LMNTD1: variants seen among roughly 807,000 people sequenced by gnomAD.
The protein encoded by LMNTD1 is lamin tail domain-containing protein 1.
A neutral mutation model predicts 50.9 loss-of-function variants in LMNTD1; 35 were observed. That is an observed-to-expected ratio of 0.69 (90% CI 0.53 to 0.91). LMNTD1 has a LOEUF of 0.91. Ranked by LOEUF, LMNTD1 falls within the 40% of genes least tolerant of loss-of-function variation. LMNTD1 has a pLI of 0.00. For synonymous variants in LMNTD1, 153 were observed against 161.9 expected, an observed-to-expected ratio of 0.94 and a Z score of 0.42; for missense variants, 470 against 475.5, an observed-to-expected ratio of 0.99 and a Z score of 0.11.
chr12:25,554,535 T>A (rs1199901732), upstream of LMNTD1, among the ~76,000 whole-genome samples: 1 of 152,212 alleles, frequency 6.6e-6, no homozygotes, highest in East Asian at 1.9e-4. Context: ...TTGTTGTTGC[T>A]TAAACTAATT....
In LMNTD1 at chr12:25,520,033, C is replaced by T. The variant is rs1565963219; in HGVS notation, c.841G>A (p.Glu281Lys). 1.2e-6 allele frequency: 2 copies of T among 1,613,200 alleles called. No individual in the cohort carries two copies. The highest frequency in any genetic ancestry group is 1.7e-5 in the Admixed American group (1 of 59,918). Residue 281 changes from glutamate (E) to lysine (K), a missense_variant, in exon 7 of 10, where the codon GAA becomes AAA. Transcript: ENST00000458174. ...AATTCAACGTCAGCATCTAATTTTT[C>T]CCACGCTTGCTTCCAGTGGATAGGG... is the stretch of plus-strand genomic sequence containing the variant. Reference protein sequence around the residue: ...YTPIHWKQAWEKLDADVEFNR... With the variant: ...YTPIHWKQAWKKLDADVEFNR...
chr12:25,594,487 A>G (rs1006123792), intron 1 of LMNTD1, among the ~76,000 whole-genome samples: 2 of 152,100 alleles, frequency 1.3e-5, no homozygotes, highest in Non-Finnish European at 2.9e-5. Flanking sequence ...AAGGAAACAT[A>G]GTCTTTTTCA....
At chr12:25,518,172 T>C (rs1260744020) in intron 8 of LMNTD1, among the ~76,000 whole-genome samples, 2 of 152,222 alleles carry the variant, frequency 1.3e-5, no homozygotes, top group East Asian at 3.8e-4. Flanking sequence ...GGTTCCTTCT[T>C]GGCTTTATGT....
intron 1 of LMNTD1, among the ~76,000 whole-genome samples, chr12:25,614,320 G>A (rs1946308383): frequency 6.6e-6 from 1 of 151,978 alleles, no homozygotes; most frequent in African/African-American, 2.4e-5. Flanking sequence ...CTATAGCTCA[G>A]TTCTCGGTAC....
At chr12:25,499,070 ATTC>A (rs1397077746) in intron 9 of LMNTD1, among the ~76,000 whole-genome samples, 2 of 152,098 alleles carry the variant, frequency 1.3e-5, no homozygotes, top group Non-Finnish European at 2.9e-5. Context: ...CAGGAAAGAA[ATTC>A]TTTTTTGTTG....
chr12:25,618,623 T>C (rs879770275), intron 1 of LMNTD1, among the ~76,000 whole-genome samples: 4 of 152,036 alleles, frequency 2.6e-5, no homozygotes, highest in Admixed American at 1.3e-4. Context: ...CATTTAGGCC[T>C]GGAAAGGAAA....
chr12:25,645,199 G>T (rs1035939935), intron 1 of LMNTD1, among the ~76,000 whole-genome samples: 2 of 152,194 alleles, frequency 1.3e-5, no homozygotes, highest in African/African-American at 4.8e-5. Flanking sequence ...GTCTAGCCAG[G>T]TAAGTACAGG....
At chr12:25,600,721 A>G (rs1565512534) in intron 1 of LMNTD1, among the ~76,000 whole-genome samples, 1 of 152,114 alleles carries the variant, frequency 6.6e-6, no homozygotes, top group Non-Finnish European at 1.5e-5. Context: ...TGCTCATCAG[A>G]GGAATGAAAA....
chr12:25,577,324 T>C (rs1042650261), intron 1 of LMNTD1, among the ~76,000 whole-genome samples: 18 of 152,362 alleles, frequency 1.2e-4, no homozygotes, highest in African/African-American at 4.3e-4. Flanking sequence ...CCCATGAGCA[T>C]GGAATGTTCT....
chr12:25,644,511 C>CAA (rs916130035), intron 1 of LMNTD1, among the ~76,000 whole-genome samples: 3 of 151,484 alleles, frequency 2.0e-5, no homozygotes, highest in Non-Finnish European at 4.4e-5. Flanking sequence ...CGAACAACAA[C>CAA]AAAAAAATCC....
Position 25,526,901 on chromosome 12 carries a change from C to T in LMNTD1, c.546G>A (p.Lys182=), listed in dbSNP as rs908140513. The change falls in exon 5 of 10, where the codon AAG becomes AAA. Residue 182 remains lysine, a synonymous_variant. Transcript: ENST00000458174. The part of the protein sequence containing the change: ...AEVNVKGLFV[K]LINSSLDKEM... Reference sequence around the variant, plus strand: ...CTTTGTCAAGGGAAGAGTTAATGAGCTTCACGAACAAACCCTTGACATTCA... The same window carrying T: ...CTTTGTCAAGGGAAGAGTTAATGAGTTTCACGAACAAACCCTTGACATTCA... 4 of 1,612,488 alleles carry T rather than the reference C, an allele frequency of 2.5e-6. No individual in the cohort carries two copies. The African/African-American group carries it at 4.0e-5, about 16-fold the overall frequency.
intron 1 of LMNTD1, among the ~76,000 whole-genome samples, chr12:25,569,784 T>G (rs993496209): frequency 6.6e-6 from 1 of 152,162 alleles, no homozygotes; most frequent in Non-Finnish European, 1.5e-5. Flanking sequence ...CTGCTTCCCC[T>G]TTGCCTTCCA....
At chr12:25,544,066 G>A (rs1007773344) in intron 4 of LMNTD1, among the ~76,000 whole-genome samples, 4 of 151,932 alleles carry the variant, frequency 2.6e-5, no homozygotes, top group African/African-American at 9.7e-5. Flanking sequence ...TGGGTGAAAT[G>A]TTCTGCACAT....
At chr12:25,623,581 A>G (rs6487497) in intron 1 of LMNTD1, among the ~76,000 whole-genome samples, 1 of 137,470 alleles carries the variant, frequency 7.3e-6, no homozygotes, top group African/African-American at 2.8e-5. Flanking sequence ...AAAAAAAAAA[A>G]GGAGAGAAAG....
intron 6 of LMNTD1, among the ~76,000 whole-genome samples, chr12:25,522,612 A>G (rs1420856029): frequency 1.3e-5 from 2 of 152,232 alleles, no homozygotes; most frequent in Non-Finnish European, 2.9e-5. Flanking sequence ...CAACTGTAAT[A>G]AGGCATATAT....
At chr12:25,546,891 G>C (rs1400376315) in intron 3 of LMNTD1, among the ~76,000 whole-genome samples, 1 of 151,566 alleles carries the variant, frequency 6.6e-6, no homozygotes, top group African/African-American at 2.4e-5. Context: ...ATTTTAGTCT[G>C]TCAAATTTAG....
Position 25,640,137 on chromosome 12 carries a change from A to T in LMNTD1, c.58+8357T>A, listed in dbSNP as rs1045436065. ...AAGAGATTAGTAATTGCCTCAAGCT[A>T]GGTGACTTGGGGGGAGAGGAGTGGG... On this transcript the variant is annotated intron_variant, in intron 1 of 7. Coordinates refer to the LMNTD1 transcript ENST00000445693. Among the ~76,000 whole-genome samples the T allele has an allele frequency of 2.6e-4, 40 of 152,290 alleles. 1 individual carries two copies. Among genetic ancestry groups the T allele is most frequent in the African/African-American group, 8.2e-4 (34 of 41,568 alleles).
intron 1 of LMNTD1, among the ~76,000 whole-genome samples, chr12:25,617,201 T>C (rs1946368404): frequency 6.6e-6 from 1 of 152,250 alleles, no homozygotes; most frequent in South Asian, 2.1e-4. Context: ...TAGTATTTAA[T>C]GTTAATGTTA....
At chr12:25,556,129 C>T (rs1486749416), upstream of LMNTD1, among the ~76,000 whole-genome samples, 19 of 151,990 alleles carry the variant, frequency 1.3e-4, no homozygotes, top group Admixed American at 1.2e-3. Flanking sequence ...TGTGCCACCA[C>T]GCCCGGCCAA....
Sources: gnomAD v4.1 joint callset for allele counts (sites outside exome capture counted in the v4.1 genomes callset) on GRCh38, gnomAD v4.1.1 for gene constraint, MANE v1.5 for transcripts, NCBI Gene and HGNC (gene_info 2026-07-23, HGNC 2026-07-21) for gene names.